Variants in MARCO observed in about 807,000 individuals in gnomAD.
MARCO encodes the protein macrophage receptor with collagenous structure.
In MARCO, 72 loss-of-function variants were observed where a neutral mutation model predicts 70.0. The ratio of observed to expected loss-of-function variants is 1.03; its 90% CI spans 0.85 to 1.25. The LOEUF (loss-of-function observed/expected upper bound fraction) is 1.25, where lower values mean the gene tolerates loss of function less well. Among genes scored for constraint, MARCO ranks in the 50% most tolerant of loss-of-function variants. The pLI, the probability that MARCO is intolerant of heterozygous loss-of-function variation, is 0.00. For synonymous variants in MARCO, 273 were observed against 243.1 expected (o/e 1.12, Z -1.14); for missense variants, 696 against 659.3 (o/e 1.06, Z -0.61).
At chr2:118,943,084 G>A (rs191682066) in intron 1 of MARCO, among the ~76,000 whole-genome samples, 6 of 152,284 alleles carry the variant, frequency 3.9e-5, no homozygotes, top group East Asian at 3.9e-4. Flanking sequence ...AGTCTAGAAC[G>A]TTCTCTTGGG....
intron 1 of MARCO, among the ~76,000 whole-genome samples, chr2:118,942,749 G>A (rs1029839220): frequency 4.6e-5 from 7 of 152,004 alleles, no homozygotes; most frequent in Admixed American, 1.3e-4. Flanking sequence ...GCAAAACAGG[G>A]GCACTGAAAG....
At chr2:118,946,968 T>C (rs556997342) in intron 1 of MARCO, among the ~76,000 whole-genome samples, 6 of 152,248 alleles carry the variant, frequency 3.9e-5, no homozygotes, top group Admixed American at 1.3e-4. Flanking sequence ...GCCTCTTCAG[T>C]GAAATGTCTC....
intron 1 of MARCO, among the ~76,000 whole-genome samples, chr2:118,946,381 A>G (rs1257249610): frequency 2.0e-5 from 3 of 152,128 alleles, no homozygotes; most frequent in Non-Finnish European, 4.4e-5. Context: ...TCCCATCTCT[A>G]TAATTTTGCC....
intron 7 of MARCO, 59 bp downstream of exon 7, chr2:118,977,574 T>C (rs1680308694): frequency 6.7e-7 from 1 of 1,491,148 alleles, no homozygotes; most frequent in Non-Finnish European, 9.3e-7. Flanking sequence ...ACTGAGGCAG[T>C]TCCCCCCCAC....
chr2:118,987,128 G>C (rs1434051951), intron 12 of MARCO, among the ~76,000 whole-genome samples: 1 of 152,172 alleles, frequency 6.6e-6, no homozygotes, highest in African/African-American at 2.4e-5. Context: ...TTTCTTGGGA[G>C]AATATTATTT....
In MARCO at chr2:118,974,394, TG is replaced by T; in HGVS notation, c.523del (p.Ala175LeufsTer89). The T allele has an allele frequency of 6.2e-7, 1 of 1,612,506 alleles. No individual in the cohort carries two copies. Among genetic ancestry groups the T allele is most frequent in the Non-Finnish European group, 8.5e-7 (1 of 1,179,476 alleles). On this transcript the variant is annotated frameshift_variant, in exon 5 of 17. Coordinates refer to ENST00000327097, the MANE Select transcript of MARCO (RefSeq NM_006770.4). LOFTEE classifies it high-confidence loss of function. ...PGAPGPPGPP[A>X]EKGAKGAMGR... ...GTGCCCCTGGCCCGCCGGGACCACCTGCTGAGAAGGGAGCCAAGGGGGCTAT... is the reference window on the plus strand; with the variant it reads ...GTGCCCCTGGCCCGCCGGGACCACCTCTGAGAAGGGAGCCAAGGGGGCTAT...
intron 1 of MARCO, among the ~76,000 whole-genome samples, chr2:118,946,240 T>G (rs1679597496): frequency 6.6e-6 from 1 of 152,104 alleles, no homozygotes; most frequent in South Asian, 2.1e-4. Flanking sequence ...TCCATAGAGC[T>G]TATTCATTAG....
chr2:118,955,869 G>A (rs1036000171), intron 1 of MARCO, among the ~76,000 whole-genome samples: 5 of 152,134 alleles, frequency 3.3e-5, no homozygotes, highest in Admixed American at 6.5e-5. Flanking sequence ...CATATATGAA[G>A]GAAAGACACA....
At chr2:118,993,537 G>T (rs569986914) in intron 16 of MARCO, among the ~76,000 whole-genome samples, 1 of 152,178 alleles carries the variant, frequency 6.6e-6, no homozygotes, top group Admixed American at 6.5e-5. Context: ...GCCTGGCTTC[G>T]GTCAAGGTCC....
Position 118,942,291 on chromosome 2 carries a change from A to G in MARCO, c.-10A>G. 3.1e-6 allele frequency: 5 copies of G among 1,602,662 alleles called. No homozygotes were observed. The highest frequency in any genetic ancestry group is 3.4e-6 in the Non-Finnish European group (4 of 1,169,890). On this transcript the variant is annotated 5_prime_UTR_variant, in exon 1 of 17. Coordinates refer to ENST00000327097, the MANE Select transcript of MARCO (RefSeq NM_006770.4). ...GGCTCCAGGACTTTGGCCATCTATA[A>G]AGCTTGGCAATGAGAAATAAGAAAA...
rs142489484 is a variant in MARCO at position 118,970,130 on chromosome 2, G to A, written c.216G>A (p.Ala72=). 202 of 1,614,006 alleles carry A rather than the reference G, an allele frequency of 1.3e-4. 1 individual carries two copies. Among genetic ancestry groups the A allele is most frequent in the African/African-American group, 9.7e-4 (73 of 75,024 alleles). The stretch of plus-strand genomic sequence containing the variant: ...GGGGCCCAGTTCTGAATCTGCAGGC[G>A]CGGCTCCGGGTCCTGGAGATGTATT... The part of the protein sequence containing the change: ...LLVVQVLNLQ[A]RLRVLEMYFL... The change falls in exon 3 of 17, where the codon GCG becomes GCA. Residue 72 remains alanine, a synonymous_variant. Coordinates refer to ENST00000327097, the MANE Select transcript of MARCO (RefSeq NM_006770.4).
intron 1 of MARCO, among the ~76,000 whole-genome samples, chr2:118,946,974 G>A (rs1391539917): frequency 6.6e-6 from 1 of 152,156 alleles, no homozygotes; most frequent in Non-Finnish European, 1.5e-5. Flanking sequence ...TCAGTGAAAT[G>A]TCTCTTTGTG....
In MARCO at chr2:118,970,243, C is replaced by T; in HGVS notation, c.329C>T (p.Ala110Val). 6.2e-7 allele frequency: 1 copy of T among 1,614,038 alleles called. No individual in the cohort carries two copies. The highest frequency in any genetic ancestry group is 8.5e-7 in the Non-Finnish European group (1 of 1,179,982). Residue 110 changes from alanine to valine, a missense_variant, in exon 3 of 17, where the codon GCA becomes GTA. By Grantham distance (64) the Ala-to-Val change is moderately conservative (BLOSUM62 0). Transcript: ENST00000327097. ...CCTGGAGAACACCTGGCTCAGGGTG[C>T]ATCGAGGCTGCAAGTCCTGCAGGCC... ...AHPGEHLAQG[A>V]SRLQVLQAQL...
intron 12 of MARCO, among the ~76,000 whole-genome samples, chr2:118,986,672 G>GGAAA (rs70949954): frequency 0.03 from 1,462 of 48,646 alleles, 73 homozygotes; most frequent in Middle Eastern, 0.052. Context: ...AAGGAAGGAA[G>GGAAA]GAAAGAAAGA....
chr2:118,947,183 C>A lies in MARCO; in HGVS notation c.97+4786C>A, dbSNP rs1006699459. ...TTAATTCTGACAAGGTCCAACCTAA[C>A]AATTTTTCCATGTATGTATTATGCT... On this transcript the variant is annotated intron_variant, in intron 1 of 16. Transcript: ENST00000327097. Among the ~76,000 whole-genome samples, 4 of 152,298 alleles carry A rather than the reference C, an allele frequency of 2.6e-5. No homozygotes were observed. The East Asian group carries it at 5.8e-4, about 22-fold the overall frequency.
chr2:118,994,122 TTAAGCATTAAAG>T (rs1345639786), intron 16 of MARCO, among the ~76,000 whole-genome samples: 6 of 152,152 alleles, frequency 3.9e-5, no homozygotes, highest in Non-Finnish European at 7.3e-5. Flanking sequence ...AGTGTGGGGT[TTAAGCATTAAAG>T]ATTTGCATGA....
At chr2:118,977,100 A>C (rs1437618291) in intron 6 of MARCO, among the ~76,000 whole-genome samples, 3 of 152,328 alleles carry the variant, frequency 2.0e-5, no homozygotes, top group Non-Finnish European at 2.9e-5. Context: ...CCATCTTGCC[A>C]GATGGGATTA....
At chr2:118,989,044 A>G (rs1227964192) in intron 12 of MARCO, among the ~76,000 whole-genome samples, 1 of 152,270 alleles carries the variant, frequency 6.6e-6, no homozygotes, top group Non-Finnish European at 1.5e-5. Context: ...CAAAGTTAGT[A>G]TAAGACAGAA....
chr2:118,990,568 C>CA lies in MARCO; in HGVS notation c.1064-21_1064-20insA, dbSNP rs545426635. ...AAGTTTTATTATCTCCTCCCCCCCCCCTTTTTTGTTTTGATCTTAGGACTT... is the reference window on the plus strand; with the variant it reads ...AAGTTTTATTATCTCCTCCCCCCCCCACTTTTTTGTTTTGATCTTAGGACTT... On this transcript the variant is annotated intron_variant, in intron 12 of 16. Transcript: ENST00000327097. 1,056 of 1,583,650 alleles carry CA rather than the reference C, an allele frequency of 6.7e-4. 2 individuals are homozygous for CA. In the African/African-American group the frequency reaches 0.012, roughly 18 times the overall value.
Sources: gnomAD v4.1 joint callset for allele counts (sites outside exome capture counted in the v4.1 genomes callset) on GRCh38, gnomAD v4.1.1 for gene constraint, MANE v1.5 for transcripts, NCBI Gene and HGNC (gene_info 2026-07-23, HGNC 2026-07-21) for gene names.